The following PPFIA2 variants were observed in gnomAD, a reference collection of about 807,000 sequenced individuals.
PPFIA2 encodes the protein PPFI scaffold protein A2, also known as liprin-alpha-2.
PPFIA2 carries 46 observed loss-of-function variants against 175.5 expected under a neutral mutation model. That is an observed-to-expected ratio of 0.26 (90% CI 0.21 to 0.34). The LOEUF is 0.34. Ranked by LOEUF, PPFIA2 falls within the 10% of genes least tolerant of loss-of-function variation. PPFIA2 has a pLI of 1.00. For missense variants in PPFIA2, 1,179 were observed against 1,506.1 expected, an observed-to-expected ratio of 0.78 and a Z score of 3.60; for synonymous variants, 568 against 511.4, an observed-to-expected ratio of 1.11 and a Z score of -1.49.
chr12:81,641,201 G>A (rs142769039), intron 4 of PPFIA2, among the ~76,000 whole-genome samples: 1 of 152,132 alleles, frequency 6.6e-6, no homozygotes, highest in East Asian at 1.9e-4. Context: ...CAACTTCACC[G>A]CAAGTATTTA....
chr12:81,507,443 G>T (rs528333343), intron 4 of PPFIA2, among the ~76,000 whole-genome samples: 1 of 152,124 alleles, frequency 6.6e-6, no homozygotes, highest in East Asian at 1.9e-4. Flanking sequence ...CTGAGAAATT[G>T]TTTTTAATTG....
chr12:81,565,431 C>A (rs1405626801), intron 4 of PPFIA2, among the ~76,000 whole-genome samples: 1 of 152,170 alleles, frequency 6.6e-6, no homozygotes, highest in African/African-American at 2.4e-5. Flanking sequence ...CCTCAGCCTG[C>A]AGATGGCCTA....
At chr12:81,309,426 G>C (rs569195977) in intron 22 of PPFIA2, among the ~76,000 whole-genome samples, 2 of 152,118 alleles carry the variant, frequency 1.3e-5, no homozygotes, top group Non-Finnish European at 2.9e-5. Flanking sequence ...TCAGAAGATT[G>C]ATTACCTAAC....
At chr12:81,694,660 GC>G (rs1194401676) in intron 3 of PPFIA2, among the ~76,000 whole-genome samples, 1 of 152,116 alleles carries the variant, frequency 6.6e-6, no homozygotes, top group Non-Finnish European at 1.5e-5. Context: ...TTGGATTGGA[GC>G]CCCCACACAG....
intron 4 of PPFIA2, among the ~76,000 whole-genome samples, chr12:81,473,705 C>T (rs1453801878): frequency 1.3e-5 from 2 of 152,164 alleles, no homozygotes; most frequent in African/African-American, 4.8e-5. Context: ...TTTTTTACAT[C>T]TCCTTCAAAA....
intron 25 of PPFIA2, 127 bp downstream of exon 25, chr12:81,284,114 G>C (rs2042719042): frequency 1.4e-6 from 1 of 711,970 alleles, no homozygotes; most frequent in Admixed American, 2.6e-5. Context: ...AAAAATGTTA[G>C]TTATCATTGC....
intron 31 of PPFIA2, among the ~76,000 whole-genome samples, chr12:81,262,540 G>A (rs540278569): frequency 6.2e-4 from 94 of 152,240 alleles, no homozygotes; most frequent in African/African-American, 1.7e-3. Flanking sequence ...ATGATGCTAG[G>A]TGATTATCTT....
At chr12:81,558,168 A>G (rs558454400) in intron 4 of PPFIA2, among the ~76,000 whole-genome samples, 2 of 152,290 alleles carry the variant, frequency 1.3e-5, no homozygotes, top group South Asian at 4.1e-4. Flanking sequence ...CATTTCTCAA[A>G]GGGGATGTAG....
At chr12:81,581,702 TC>T (rs1444874637) in intron 4 of PPFIA2, among the ~76,000 whole-genome samples, 1 of 146,066 alleles carries the variant, frequency 6.8e-6, no homozygotes, top group African/African-American at 2.5e-5. Flanking sequence ...TACATAATAG[TC>T]ACGTGAGTCA....
At chr12:81,567,724 G>T (rs1002238563) in intron 4 of PPFIA2, among the ~76,000 whole-genome samples, 2 of 152,150 alleles carry the variant, frequency 1.3e-5, no homozygotes, top group East Asian at 1.9e-4. Flanking sequence ...CTTCAAATTT[G>T]GGACCCTCCC....
intron 3 of PPFIA2, among the ~76,000 whole-genome samples, chr12:81,707,689 T>A (rs1481544381): frequency 2.0e-5 from 3 of 150,998 alleles, no homozygotes; most frequent in Non-Finnish European, 3.0e-5. Context: ...CCCAAAGGAC[T>A]ATAAATCATG....
chr12:81,518,320 A>G (rs1225248145), intron 4 of PPFIA2, among the ~76,000 whole-genome samples: 25 of 152,144 alleles, frequency 1.6e-4, no homozygotes, highest in Admixed American at 1.6e-3. Context: ...AATAACAACA[A>G]GTACACCCCA....
chr12:81,289,655 A>G (rs985110615), intron 24 of PPFIA2, among the ~76,000 whole-genome samples: 4 of 151,884 alleles, frequency 2.6e-5, no homozygotes, highest in African/African-American at 9.7e-5. Context: ...CTTTAAAAAG[A>G]AACACCAACT....
At chr12:81,466,226 A>G (rs1043671698) in intron 4 of PPFIA2, among the ~76,000 whole-genome samples, 1 of 152,092 alleles carries the variant, frequency 6.6e-6, no homozygotes, top group African/African-American at 2.4e-5. Context: ...GCCCCCTTGA[A>G]TTTTTATGTA....
chr12:81,666,627 G>A (rs1203314410), intron 4 of PPFIA2, among the ~76,000 whole-genome samples: 1 of 152,092 alleles, frequency 6.6e-6, no homozygotes, highest in Non-Finnish European at 1.5e-5. Flanking sequence ...GGAGAGAGTG[G>A]GGAGGGATAG....
chr12:81,480,432 C>A (rs150404335), intron 4 of PPFIA2, among the ~76,000 whole-genome samples: 40 of 152,272 alleles, frequency 2.6e-4, no homozygotes, highest in African/African-American at 8.9e-4. Context: ...AACTCATTAT[C>A]TGTCCAGTTT....
chr12:81,443,304 T>C (rs992556412), intron 6 of PPFIA2, among the ~76,000 whole-genome samples: 1 of 152,068 alleles, frequency 6.6e-6, no homozygotes, highest in Admixed American at 6.6e-5. Context: ...TCCAGATCTG[T>C]CTGACTCCAG....
At chr12:81,451,680 C>G (rs1349009397) in intron 5 of PPFIA2, among the ~76,000 whole-genome samples, 1 of 152,020 alleles carries the variant, frequency 6.6e-6, no homozygotes, top group African/African-American at 2.4e-5. Context: ...AAGGGATGAA[C>G]GATTTCACTT....
intron 28 of PPFIA2, among the ~76,000 whole-genome samples, chr12:81,269,800 A>G (rs1243618146): frequency 6.6e-6 from 1 of 152,180 alleles, no homozygotes; most frequent in Non-Finnish European, 1.5e-5. Flanking sequence ...TGGCGTGTTC[A>G]TGATCATTGC....
Sources: allele counts gnomAD v4.1 joint callset (sites outside exome capture counted in the v4.1 genomes callset), GRCh38; gene constraint gnomAD v4.1.1; transcripts MANE v1.5; gene names NCBI Gene and HGNC (gene_info 2026-07-23, HGNC 2026-07-21).